Variants in MAGI2 observed in about 807,000 individuals in gnomAD.
MAGI2 encodes the protein membrane associated guanylate kinase, WW and PDZ domain containing 2, also known as membrane-associated guanylate kinase, WW and PDZ domain-containing protein 2.
Under a neutral mutation model 133.3 loss-of-function variants are expected in MAGI2, and 35 were observed. That is an observed-to-expected ratio of 0.26 (90% CI 0.20 to 0.35). MAGI2 has a LOEUF of 0.35. Ranked by LOEUF, MAGI2 falls within the 10% of genes least tolerant of loss-of-function variation. The pLI is 1.00. For missense variants in MAGI2, 1,636 were observed against 1,863.4 expected (o/e 0.88, Z 2.25); for synonymous variants, 729 against 710.6 (o/e 1.03, Z -0.41).
At chr7:79,383,818 C>A (rs1843981130) in intron 1 of MAGI2, among the ~76,000 whole-genome samples, 1 of 151,322 alleles carries the variant, frequency 6.6e-6, no homozygotes, top group African/African-American at 2.4e-5. Context: ...GGATACTTCG[C>A]TAACATGATA....
intron 2 of MAGI2, among the ~76,000 whole-genome samples, chr7:78,736,056 ATAT>A (rs1301562940): frequency 1.3e-5 from 2 of 152,198 alleles, no homozygotes; most frequent in African/African-American, 2.4e-5. Context: ...AAGACGTGAA[ATAT>A]TATACGAATT....
At chr7:78,692,835 C>A (rs916903893) in intron 2 of MAGI2, among the ~76,000 whole-genome samples, 2 of 152,142 alleles carry the variant, frequency 1.3e-5, no homozygotes, top group Non-Finnish European at 2.9e-5. Flanking sequence ...CCAGTGCATA[C>A]TGGAATGCAT....
chr7:78,760,361 C>CTTTT (rs71085562), intron 2 of MAGI2, among the ~76,000 whole-genome samples: 51 of 124,638 alleles, frequency 4.1e-4, no homozygotes, highest in African/African-American at 1.5e-3. Context: ...TTAATTCTCT[C>CTTTT]TTTTTTTTTT....
Position 78,256,308 on chromosome 7 carries a change from A to G in MAGI2, c.1682T>C (p.Ile561Thr), listed in dbSNP as rs1423184761. ...ISRTSQSVPD[I>T]TDRPPHSLHS... is the part of the protein sequence containing the mutation. ...CAGAGAATGAGGCGGCCGATCTGTT[A>G]TATCTGGAACTGACTGTGAGGTCCG... The change falls in exon 10 of 22, where the codon ATA becomes ACA. Residue 561 changes from isoleucine to threonine, a missense_variant. Ile to Thr is a moderately conservative substitution (Grantham distance 89, BLOSUM62 -1). Transcript: ENST00000354212. 28 of 1,614,106 alleles carry G rather than the reference A, an allele frequency of 1.7e-5. 1 individual carries two copies. The East Asian group carries it at 6.0e-4, about 35-fold the overall frequency.
At chr7:79,448,707 T>G (rs760699147) in intron 1 of MAGI2, among the ~76,000 whole-genome samples, 8 of 152,140 alleles carry the variant, frequency 5.3e-5, no homozygotes, top group Non-Finnish European at 1.2e-4. Flanking sequence ...AGTCATTAAT[T>G]AAACTATAAT....
chr7:78,643,979 G>C (rs1810573545), intron 2 of MAGI2, among the ~76,000 whole-genome samples: 1 of 151,964 alleles, frequency 6.6e-6, no homozygotes, highest in Non-Finnish European at 1.5e-5. Context: ...AAAAAAGTTA[G>C]AAGTAAAATA....
At chr7:78,758,513 T>A (rs1824181944) in intron 2 of MAGI2, among the ~76,000 whole-genome samples, 1 of 152,252 alleles carries the variant, frequency 6.6e-6, no homozygotes, top group South Asian at 2.1e-4. Flanking sequence ...TGCATGTGTT[T>A]AGATGTACTT....
At chr7:79,178,269 A>G (rs1826289140) in intron 1 of MAGI2, among the ~76,000 whole-genome samples, 1 of 151,984 alleles carries the variant, frequency 6.6e-6, no homozygotes, top group Admixed American at 6.6e-5. Flanking sequence ...TTATTAGTGA[A>G]AACAGCAGAT....
chr7:78,824,633 A>G (rs1473922213), intron 2 of MAGI2, among the ~76,000 whole-genome samples: 1 of 151,576 alleles, frequency 6.6e-6, no homozygotes, highest in Non-Finnish European at 1.5e-5. Flanking sequence ...TTTTTTTTCT[A>G]GTAAATTTAT....
intron 1 of MAGI2, among the ~76,000 whole-genome samples, chr7:79,022,505 G>A (rs28812781): frequency 0.59 from 88,982 of 151,734 alleles, 26,413 homozygotes; most frequent in East Asian, 0.63. Context: ...AAGCTAGCAG[G>A]AGACAAGAAA....
chr7:78,715,153 G>A (rs1384580948), intron 2 of MAGI2, among the ~76,000 whole-genome samples: 2 of 152,142 alleles, frequency 1.3e-5, no homozygotes, highest in Non-Finnish European at 2.9e-5. Flanking sequence ...AGGCAAATTA[G>A]CTTTATTCTT....
Position 78,489,770 on chromosome 7 carries a change from T to C in MAGI2, c.1036A>G (p.Lys346Glu), listed in dbSNP as rs1793425503. 2 of 1,611,498 alleles carry C rather than the reference T, an allele frequency of 1.2e-6. No individual in the cohort carries two copies. The highest frequency in any genetic ancestry group is 2.7e-5 in the African/African-American group (2 of 74,778). Residue 346 changes from lysine (K) to glutamate (E), a missense_variant, in exon 6 of 22, where the codon AAA becomes GAA. By Grantham distance (56) the Lys-to-Glu change is moderately conservative. Transcript: ENST00000354212. ...AKKAKPPEEC[K>E]ENELPYGWEK... ...AAACTTAATAACCTACCATTTTCTT[T>C]GCACTCTTCTGGAGGTTTAGCCTTT...
At chr7:78,949,240 T>C (rs150027003) in intron 2 of MAGI2, among the ~76,000 whole-genome samples, 49 of 152,308 alleles carry the variant, frequency 3.2e-4, no homozygotes, top group Non-Finnish European at 6.0e-4. Flanking sequence ...AGTTCTATGA[T>C]GGCATAATGC....
chr7:78,486,918 A>G, intron 6 of MAGI2: 1 of 520,580 alleles, frequency 1.9e-6, no homozygotes, highest in Non-Finnish European at 3.9e-6. Flanking sequence ...GAACGTACCC[A>G]AATTTGAACT....
chr7:78,422,450 A>AT (rs1455468373), intron 6 of MAGI2, among the ~76,000 whole-genome samples: 2 of 152,176 alleles, frequency 1.3e-5, no homozygotes, highest in African/African-American at 2.4e-5. Context: ...AACACTTGTT[A>AT]TAAGTGTTTT....
At chr7:79,399,079 C>CTTTTTTTTTTTTTTT (rs1197197628) in intron 1 of MAGI2, among the ~76,000 whole-genome samples, 1 of 114,612 alleles carries the variant, frequency 8.7e-6, no homozygotes, top group Admixed American at 8.9e-5. Flanking sequence ...AGTATTATTT[C>CTTTTTTTTTTTTTTT]TTTTTTTTTT....
chr7:78,948,359 T>C (rs1182060455), intron 2 of MAGI2, among the ~76,000 whole-genome samples: 1 of 152,004 alleles, frequency 6.6e-6, no homozygotes, highest in Non-Finnish European at 1.5e-5. Flanking sequence ...AGCATATGAT[T>C]AGAGAGGATT....
chr7:78,903,708 C>T (rs1469038357), intron 2 of MAGI2, among the ~76,000 whole-genome samples: 1 of 151,796 alleles, frequency 6.6e-6, no homozygotes, highest in Non-Finnish European at 1.5e-5. Flanking sequence ...TTTTTACCAC[C>T]TCTCTTTGTC....
chr7:78,523,219 G>C (rs1275530309), intron 3 of MAGI2, among the ~76,000 whole-genome samples: 1 of 152,174 alleles, frequency 6.6e-6, no homozygotes, highest in African/African-American at 2.4e-5. Flanking sequence ...TCATCTGTAA[G>C]TTGGGAAGAG....
Sources: gnomAD v4.1 joint callset for allele counts (sites outside exome capture counted in the v4.1 genomes callset) on GRCh38, gnomAD v4.1.1 for gene constraint, MANE v1.5 for transcripts, NCBI Gene and HGNC (gene_info 2026-07-23, HGNC 2026-07-21) for gene names.